Variants in PPFIBP2 observed in about 807,000 individuals in gnomAD.
The protein encoded by PPFIBP2 is liprin-beta-2.
PPFIBP2 carries 118 observed loss-of-function variants against 118.3 expected under a neutral mutation model. That is an observed-to-expected ratio of 1.00 (90% confidence interval 0.86 to 1.16). PPFIBP2 has a LOEUF of 1.16. Among genes scored for constraint, PPFIBP2 ranks in the 50% most tolerant of loss-of-function variants. The probability of loss-of-function intolerance (pLI) is 0.00; values close to 1 mark genes in which losing one functional copy is unlikely to be tolerated. For missense variants in PPFIBP2, 1,195 were observed against 1,073.1 expected, an observed-to-expected ratio of 1.11 and a Z score of -1.59; for synonymous variants, 414 against 397.4, an observed-to-expected ratio of 1.04 and a Z score of -0.50.
At chr11:7,577,859 T>G (rs1396952238) in intron 3 of PPFIBP2, among the ~76,000 whole-genome samples, 1 of 152,248 alleles carries the variant, frequency 6.6e-6, no homozygotes, top group African/African-American at 2.4e-5. Context: ...AATGAGCCTC[T>G]GTACAGAAAG....
intron 1 of PPFIBP2, chr11:7,539,177 C>T (rs943184163): frequency 5.2e-5 from 8 of 152,418 alleles, no homozygotes; most frequent in African/African-American, 1.7e-4. Flanking sequence ...TCACTGAAGG[C>T]ATTCAGCAAC....
At position 7,544,590 on chromosome 11, in the gene PPFIBP2, C is replaced by T. The variant is rs370492311; in HGVS notation, c.-36-4850C>T. Among the ~76,000 whole-genome samples the T allele has an allele frequency of 1.6e-4, 25 of 151,834 alleles. No homozygotes were observed. In the South Asian group the frequency reaches 3.8e-3, roughly 23 times the overall value. ...GAGATCGAGACCATCCTGGCTAACA[C>T]GGTGAAACCCCATCTCTACTAAAAA... is the stretch of plus-strand genomic sequence containing the variant. On this transcript the variant is annotated intron_variant, in intron 1 of 23. Coordinates refer to ENST00000299492, the MANE Select transcript of PPFIBP2 (RefSeq NM_003621.5).
In PPFIBP2 at chr11:7,632,924, C is replaced by G; in HGVS notation, c.1126C>G (p.Leu376Val). Residue 376 changes from leucine (L) to valine (V), a missense_variant, in exon 12 of 24, where the codon CTG (leucine) becomes GTG (valine). Coordinates refer to ENST00000299492, the MANE Select transcript of PPFIBP2 (RefSeq NM_003621.5). ...GCCACCTCCATTGCCACAGAAATCA[C>G]TGGAAACCAGGTAAGAGGCCTGGGC... ...VGPPPLPQKS[L>V]ETRAQKKLSC... is the part of the protein sequence containing the mutation. 3 of 1,613,694 alleles carry G rather than the reference C, an allele frequency of 1.9e-6. No individual in the cohort carries two copies. Among genetic ancestry groups the G allele is most frequent in the Non-Finnish European group, 1.7e-6 (2 of 1,179,652 alleles).
chr11:7,577,627 T>C (rs781256340), intron 3 of PPFIBP2: 1 of 456,454 alleles, frequency 2.2e-6, no homozygotes, highest in Non-Finnish European at 4.4e-6. Context: ...GCATTTCTCG[T>C]GGCTGAAGAG....
chr11:7,657,692 C>T (rs937631004), downstream of PPFIBP2, among the ~76,000 whole-genome samples: 5 of 152,194 alleles, frequency 3.3e-5, no homozygotes, highest in African/African-American at 1.2e-4. Context: ...ATGCATTTTT[C>T]TCCTAGTCCC....
At chr11:7,522,410 CG>C (rs1344132072) in intron 1 of PPFIBP2, among the ~76,000 whole-genome samples, 8 of 152,144 alleles carry the variant, frequency 5.3e-5, no homozygotes, top group Non-Finnish European at 1.2e-4. Context: ...AAGGGAGCCT[CG>C]GGTAGTTTCT....
chr11:7,607,002 C>T (rs944350698), intron 5 of PPFIBP2, among the ~76,000 whole-genome samples: 2 of 143,808 alleles, frequency 1.4e-5, no homozygotes, highest in Non-Finnish European at 3.0e-5. Flanking sequence ...GCTCTGCCTC[C>T]CAGGTTCACG....
chr11:7,617,375 A>G, intron 6 of PPFIBP2: 1 of 879,374 alleles, frequency 1.1e-6, no homozygotes, highest in Non-Finnish European at 1.4e-6. Flanking sequence ...TCTCCTAACC[A>G]GAACAGAGTG....
In PPFIBP2 at chr11:7,524,141, TGAGA is replaced by T. The variant is rs71280834; in HGVS notation, c.-37+10034_-37+10037del. On this transcript the variant is annotated intron_variant, in intron 1 of 23. Coordinates refer to ENST00000299492, the MANE Select transcript of PPFIBP2 (RefSeq NM_003621.5). ...GTGTGTGTCTGTGCGTGTGTGTGTG[TGAGA>T]GAGAGAGAGAGAGTTGTGTAGGAAT... Among the ~76,000 whole-genome samples the T allele has an allele frequency of 5.7e-3, 863 of 150,702 alleles. 8 individuals are homozygous for T. Among genetic ancestry groups the T allele is most frequent in the African/African-American group, 0.02 (819 of 41,168 alleles).
intron 3 of PPFIBP2, among the ~76,000 whole-genome samples, chr11:7,589,839 T>C (rs1298737812): frequency 6.6e-6 from 1 of 152,236 alleles, no homozygotes; most frequent in African/African-American, 2.4e-5. Context: ...AGCCTTCTAT[T>C]TGCAATTCCA....
At chr11:7,577,327 G>A (rs1023148528) in intron 3 of PPFIBP2, 8 of 293,450 alleles carry the variant, frequency 2.7e-5, no homozygotes, top group African/African-American at 2.2e-4. Context: ...GTGCGTGTGT[G>A]TGTGTGTGTG....
chr11:7,578,992 C>CA (rs1856853914), intron 3 of PPFIBP2, among the ~76,000 whole-genome samples: 1 of 151,160 alleles, frequency 6.6e-6, no homozygotes, highest in Admixed American at 6.6e-5. Context: ...TTTTGGGCAA[C>CA]CTGGTTTGTG....
downstream of PPFIBP2, chr11:7,655,598 G>A (rs1165926503): frequency 1.9e-5 from 18 of 968,068 alleles, no homozygotes; most frequent in Middle Eastern, 7.3e-4. Context: ...GGGGGACGGC[G>A]AAGAATGGTG....
At position 7,597,740 on chromosome 11, in the gene PPFIBP2, G is replaced by A. The variant is rs962264649; in HGVS notation, c.486+67G>A. 18 of 1,291,384 alleles carry A rather than the reference G, an allele frequency of 1.4e-5. No homozygotes were observed. In the African/African-American group the frequency reaches 1.5e-4, roughly 11 times the overall value. 80.0% of individuals were successfully genotyped at this position (1,291,384 alleles called of 1,614,324 possible). Reference sequence around the variant, plus strand: ...CTCATGTGCTGAAGCCCCTTTGTGTGCCCAGGCTACAGCCCTCGCTGTCTG... The same window carrying A: ...CTCATGTGCTGAAGCCCCTTTGTGTACCCAGGCTACAGCCCTCGCTGTCTG... On this transcript the variant is annotated intron_variant, in intron 5 of 23. Coordinates refer to ENST00000299492, the MANE Select transcript of PPFIBP2 (RefSeq NM_003621.5).
the PPFIBP2 span, among the ~76,000 whole-genome samples, chr11:7,663,427 C>T: frequency 1.3e-5 from 2 of 151,970 alleles, no homozygotes; most frequent in Admixed American, 6.5e-5. Context: ...TCGGTGTGCC[C>T]CTGCTGGGGG....
chr11:7,630,205 T>A (rs1850569235), intron 10 of PPFIBP2, among the ~76,000 whole-genome samples: 1 of 151,994 alleles, frequency 6.6e-6, no homozygotes, highest in African/African-American at 2.4e-5. Context: ...CAGGAACCTC[T>A]GATTCTGGCT....
intron 1 of PPFIBP2, among the ~76,000 whole-genome samples, chr11:7,522,383 G>A (rs1469319300): frequency 1.3e-5 from 2 of 152,304 alleles, no homozygotes; most frequent in South Asian, 2.1e-4. Context: ...GAAAGTGGTT[G>A]ATTCTTTTGG....
At chr11:7,661,922 G>A (rs1246544813), downstream of PPFIBP2, among the ~76,000 whole-genome samples, 2 of 127,836 alleles carry the variant, frequency 1.6e-5, no homozygotes, top group Admixed American at 1.6e-4. Flanking sequence ...TGTCTCTTTT[G>A]ATCTTTGTTG....
At chr11:7,634,638 C>A in intron 13 of PPFIBP2, 86 bp downstream of exon 13, 1 of 1,008,048 alleles carries the variant, frequency 9.9e-7, no homozygotes, top group Non-Finnish European at 1.6e-6. Flanking sequence ...AGGTCCTGGT[C>A]CCTACCTTGT....
Sources: allele counts gnomAD v4.1 joint callset (sites outside exome capture counted in the v4.1 genomes callset), GRCh38; gene constraint gnomAD v4.1.1; transcripts MANE v1.5; gene names NCBI Gene and HGNC (gene_info 2026-07-23, HGNC 2026-07-21).